The following SLC1A1 variants were observed in gnomAD, a reference collection of about 807,000 sequenced individuals.
The protein encoded by SLC1A1 is solute carrier family 1 member 1, also known as excitatory amino acid transporter 3.
SLC1A1 carries 43 observed loss-of-function variants against 53.3 expected under a neutral mutation model. The observed-to-expected ratio is 0.81, with a 90% CI of 0.63 to 1.04. The LOEUF (loss-of-function observed/expected upper bound fraction) is 1.04. SLC1A1 is among the 50% of genes least tolerant of loss of function. SLC1A1 has a pLI of 0.00. For synonymous variants in SLC1A1, 307 were observed against 243.2 expected (o/e 1.26, Z -2.44); for missense variants, 748 against 664.9 (o/e 1.12, Z -1.37).
At chr9:4,493,393 A>G (rs1254451634) in intron 1 of SLC1A1, among the ~76,000 whole-genome samples, 2 of 152,358 alleles carry the variant, frequency 1.3e-5, no homozygotes, top group South Asian at 2.1e-4. Context: ...CCAGTGACTT[A>G]TAACAGTGGC....
intron 2 of SLC1A1, among the ~76,000 whole-genome samples, chr9:4,545,115 C>A (rs1345541716): frequency 6.6e-6 from 1 of 151,664 alleles, no homozygotes; most frequent in African/African-American, 2.4e-5. Context: ...CCATGTCATT[C>A]TCTATGATTA....
In SLC1A1 at chr9:4,571,155, C is replaced by T. The variant is rs145473248; in HGVS notation, c.583-1049C>T. The stretch of plus-strand genomic sequence containing the variant: ...AACAGAAAACCAAATACTGCCTGTT[C>T]TTTCTTATAAGTGGGAGCTAAATGA... On this transcript the variant is annotated intron_variant, in intron 6 of 11. Transcript: ENST00000262352. Among the ~76,000 whole-genome samples, 52 of 152,222 alleles carry T rather than the reference C, an allele frequency of 3.4e-4. 1 individual carries two copies. In the East Asian group the frequency reaches 9.7e-3, roughly 28 times the overall value.
chr9:4,539,787 G>C (rs1294737989), intron 1 of SLC1A1, among the ~76,000 whole-genome samples: 1 of 152,030 alleles, frequency 6.6e-6, no homozygotes, highest in Non-Finnish European at 1.5e-5. Context: ...GGCCAGGATG[G>C]TCTCAAACTC....
At chr9:4,513,460 G>C (rs1399796662) in intron 1 of SLC1A1, among the ~76,000 whole-genome samples, 1 of 152,132 alleles carries the variant, frequency 6.6e-6, no homozygotes, top group African/African-American at 2.4e-5. Context: ...AAAATATTCA[G>C]CATCGTTGGC....
At chr9:4,580,894 G>C in intron 10 of SLC1A1, among the ~76,000 whole-genome samples, 1 of 151,954 alleles carries the variant, frequency 6.6e-6, no homozygotes, top group East Asian at 1.9e-4. Context: ...TAATCTTTTT[G>C]TTTGTTTTTT....
intron 1 of SLC1A1, among the ~76,000 whole-genome samples, chr9:4,522,042 CTTTTTTTTTTTCT>C (rs2130832920): frequency 1.1e-5 from 1 of 88,508 alleles, no homozygotes; most frequent in African/African-American, 3.9e-5. Flanking sequence ...GAACCTGCCT[CTTTTTTTTTTTCT>C]TTTTTTTTTT....
intron 1 of SLC1A1, among the ~76,000 whole-genome samples, chr9:4,528,338 C>G (rs192173127): frequency 6.6e-6 from 1 of 152,040 alleles, no homozygotes; most frequent in African/African-American, 2.4e-5. Context: ...TTTGGGAGGC[C>G]GAGGCAGGCA....
intron 2 of SLC1A1, among the ~76,000 whole-genome samples, chr9:4,550,831 A>G (rs1350756894): frequency 6.6e-6 from 1 of 152,256 alleles, no homozygotes; most frequent in African/African-American, 2.4e-5. Flanking sequence ...AGGGCCCAAT[A>G]GTAAATATTC....
chr9:4,560,248 T>G (rs957542757), intron 2 of SLC1A1, among the ~76,000 whole-genome samples: 1 of 152,182 alleles, frequency 6.6e-6, no homozygotes, highest in Non-Finnish European at 1.5e-5. Context: ...CTAACCAGAA[T>G]GGATAATGAC....
At chr9:4,528,455 A>G (rs1358333685) in intron 1 of SLC1A1, among the ~76,000 whole-genome samples, 1 of 152,144 alleles carries the variant, frequency 6.6e-6, no homozygotes, top group African/African-American at 2.4e-5. Context: ...CGGTGCCTGT[A>G]GTCCCAGCTA....
At chr9:4,555,829 C>T (rs778438349) in intron 2 of SLC1A1, among the ~76,000 whole-genome samples, 26 of 152,298 alleles carry the variant, frequency 1.7e-4, no homozygotes, top group Middle Eastern at 3.4e-3. Flanking sequence ...AACTGGTCTC[C>T]GCACCAGGGC....
intron 1 of SLC1A1, among the ~76,000 whole-genome samples, chr9:4,522,611 T>A (rs1046306807): frequency 6.6e-6 from 1 of 151,910 alleles, no homozygotes; most frequent in Non-Finnish European, 1.5e-5. Context: ...AGGGAAGAGG[T>A]TTAAATAACT....
Position 4,584,499 on chromosome 9 carries a change from C to T in SLC1A1, c.1329-813C>T, listed in dbSNP as rs76116846. Among the ~76,000 whole-genome samples, 126 of 152,244 alleles carry T rather than the reference C, an allele frequency of 8.3e-4. 2 individuals carry two copies. The East Asian group carries it at 0.018, about 21-fold the overall frequency. ...AAAAGACACTAGGGCCAGTTCAATCCCTGGACTTGTTCTAAATAACAGAAG... is the reference window on the plus strand; with the variant it reads ...AAAAGACACTAGGGCCAGTTCAATCTCTGGACTTGTTCTAAATAACAGAAG... On this transcript the variant is annotated intron_variant, in intron 11 of 11. Transcript: ENST00000262352.
At chr9:4,537,888 T>C (rs951764278) in intron 1 of SLC1A1, among the ~76,000 whole-genome samples, 17 of 152,162 alleles carry the variant, frequency 1.1e-4, no homozygotes, top group African/African-American at 3.9e-4. Flanking sequence ...CATGGAATTA[T>C]ATACTTTAAA....
intron 2 of SLC1A1, among the ~76,000 whole-genome samples, chr9:4,551,517 C>G (rs1348992630): frequency 6.6e-6 from 1 of 152,228 alleles, no homozygotes; most frequent in Non-Finnish European, 1.5e-5. Flanking sequence ...TGTTGTACAA[C>G]TTGCTATTAA....
intron 2 of SLC1A1, among the ~76,000 whole-genome samples, chr9:4,557,095 GA>G (rs1481647030): frequency 6.6e-6 from 1 of 152,222 alleles, no homozygotes; most frequent in African/African-American, 2.4e-5. Flanking sequence ...TTCGGACCCA[GA>G]AATGGATCTT....
In SLC1A1 at chr9:4,576,651, G is replaced by A. The variant is rs143926021; in HGVS notation, c.1081G>A (p.Val361Ile). Residue 361 changes from valine to isoleucine, a missense_variant, in exon 10 of 12, where the codon GTT becomes ATT. Coordinates refer to ENST00000262352, the MANE Select transcript of SLC1A1 (RefSeq NM_004170.6). The stretch of plus-strand genomic sequence containing the variant: ...GAGGATCACTCGATTCGTGTTACCC[G>A]TTGGTGCAACAATCAACATGGATGG... ...DKRITRFVLP[V>I]GATINMDGTA... 163 of 1,614,014 alleles carry A rather than the reference G, an allele frequency of 1.0e-4. No homozygotes were observed. In the African/African-American group the frequency reaches 1.5e-3, roughly 15 times the overall value.
intron 1 of SLC1A1, among the ~76,000 whole-genome samples, chr9:4,531,312 G>C (rs942609286): frequency 1.3e-5 from 2 of 152,232 alleles, no homozygotes; most frequent in African/African-American, 4.8e-5. Flanking sequence ...CCTAGTCAAA[G>C]AAAGGGGTGA....
At position 4,573,950 on chromosome 9, in the gene SLC1A1, A is replaced by T; in HGVS notation, c.811A>T (p.Ile271Leu). The T allele has an allele frequency of 6.2e-7, 1 of 1,614,080 alleles. No individual in the cohort carries two copies. The highest frequency in any genetic ancestry group is 8.5e-7 in the Non-Finnish European group (1 of 1,179,898). ...TTTGTTCCTGATTGCTGGGAAGATC[A>T]TAGAAGTTGAAGACTGGGAAATATT... is the stretch of plus-strand genomic sequence containing the variant. ...GILFLIAGKIIEVEDWEIFRK... is the reference protein window; with the variant it reads ...GILFLIAGKILEVEDWEIFRK... Residue 271 changes from isoleucine to leucine, a missense_variant, in exon 8 of 12, where the codon ATA (isoleucine) becomes TTA (leucine). Physicochemically the swap from Ile to Leu is conservative, Grantham distance 5 (BLOSUM62 2). Coordinates refer to ENST00000262352, the MANE Select transcript of SLC1A1 (RefSeq NM_004170.6).
Sources: allele counts gnomAD v4.1 joint callset (sites outside exome capture counted in the v4.1 genomes callset), GRCh38; gene constraint gnomAD v4.1.1; transcripts MANE v1.5; gene names NCBI Gene and HGNC (gene_info 2026-07-23, HGNC 2026-07-21).